The following ABTB2 variants were observed in gnomAD, a reference collection of about 807,000 sequenced individuals.
ABTB2 encodes ankyrin repeat and BTB domain containing 2, also known as ankyrin repeat and BTB/POZ domain-containing protein 2.
In ABTB2, 56 loss-of-function variants were observed where a neutral mutation model predicts 104.1. The observed-to-expected ratio is 0.54, with a 90% CI of 0.43 to 0.67. ABTB2 has a LOEUF of 0.67. Among genes scored for constraint, ABTB2 ranks in the 30% least tolerant of loss-of-function variants. The probability of loss-of-function intolerance (pLI) is 0.00; values close to 1 mark genes in which losing one functional copy is unlikely to be tolerated. For missense variants in ABTB2, 1,279 were observed against 1,407.7 expected (o/e 0.91, Z 1.46); for synonymous variants, 606 against 608.2 (o/e 1.00, Z 0.05).
At chr11:34,248,853 G>A (rs527508905) in intron 1 of ABTB2, among the ~76,000 whole-genome samples, 8 of 152,212 alleles carry the variant, frequency 5.3e-5, no homozygotes, top group Non-Finnish European at 1.2e-4. Context: ...TACCACAGCC[G>A]GGCGCGGTGG....
chr11:34,259,983 A>AT (rs1271273098), intron 1 of ABTB2, among the ~76,000 whole-genome samples: 2 of 151,760 alleles, frequency 1.3e-5, no homozygotes, highest in Non-Finnish European at 2.9e-5. Flanking sequence ...TTTTTATTGT[A>AT]TTTTTTCTAG....
chr11:34,174,602 G>A (rs992327891), intron 3 of ABTB2, among the ~76,000 whole-genome samples: 1 of 152,204 alleles, frequency 6.6e-6, no homozygotes, highest in Non-Finnish European at 1.5e-5. Flanking sequence ...CAGCTGGGGG[G>A]CGGGGACGCG....
At chr11:34,297,796 G>GAAAAACCAAAT (rs1554923796) in intron 1 of ABTB2, among the ~76,000 whole-genome samples, 4 of 123,070 alleles carry the variant, frequency 3.3e-5, no homozygotes, top group Non-Finnish European at 5.0e-5. Context: ...AAAAATAAAG[G>GAAAAACCAAAT]AAAGAAAAAG....
chr11:34,245,149 C>T (rs1377966756), intron 1 of ABTB2, among the ~76,000 whole-genome samples: 2 of 152,226 alleles, frequency 1.3e-5, no homozygotes, highest in Non-Finnish European at 2.9e-5. Context: ...CAGCCTCTGA[C>T]TGACACATGC....
chr11:34,272,302 C>CA (rs60997940), intron 1 of ABTB2, among the ~76,000 whole-genome samples: 16,961 of 80,334 alleles, frequency 0.21, 1,301 homozygotes, highest in East Asian at 0.27. Context: ...CAGGAAGCTG[C>CA]AAAAAAAAAA....
At chr11:34,170,469 A>G (rs1341800935) in intron 5 of ABTB2, among the ~76,000 whole-genome samples, 1 of 152,162 alleles carries the variant, frequency 6.6e-6, no homozygotes, top group Non-Finnish European at 1.5e-5. Flanking sequence ...AACATCCTCT[A>G]CATTTTACAT....
At chr11:34,335,293 A>G (rs1330533287) in intron 1 of ABTB2, 29 of 1,259,818 alleles carry the variant, frequency 2.3e-5, no homozygotes, top group South Asian at 9.5e-5. Flanking sequence ...TGTTGTTTGT[A>G]TATGGTCCAA....
intron 1 of ABTB2, among the ~76,000 whole-genome samples, chr11:34,266,521 A>C (rs1854252580): frequency 1.3e-5 from 2 of 152,262 alleles, no homozygotes; most frequent in Admixed American, 1.3e-4. Context: ...GGAAAACAGT[A>C]GTGTGTCTTG....
chr11:34,221,731 C>T (rs1853626095), intron 1 of ABTB2, among the ~76,000 whole-genome samples: 1 of 152,238 alleles, frequency 6.6e-6, no homozygotes, highest in African/African-American at 2.4e-5. Flanking sequence ...GTCCCACTCA[C>T]TCACTTAATT....
At chr11:34,224,134 C>A (rs1341159990) in intron 1 of ABTB2, among the ~76,000 whole-genome samples, 1 of 152,130 alleles carries the variant, frequency 6.6e-6, no homozygotes, top group Non-Finnish European at 1.5e-5. Context: ...GGCTCAGCAT[C>A]CTGAGTAGCT....
chr11:34,310,065 T>C (rs1393805262), intron 1 of ABTB2, among the ~76,000 whole-genome samples: 2 of 152,290 alleles, frequency 1.3e-5, no homozygotes, highest in Middle Eastern at 3.4e-3. Context: ...TTCTATTACA[T>C]TGAGCAATCG....
At position 34,324,938 on chromosome 11, in the gene ABTB2, T is replaced by C. The variant is rs186744715; in HGVS notation, c.883+31763A>G. ...CAGAGTCCACATCTGAAAAGTGCAC[T>C]GATTCGGTCACAGTTAGAGTGCTTT... On this transcript the variant is annotated intron_variant, in intron 1 of 16. Transcript: ENST00000435224. 8.3e-3 allele frequency among the ~76,000 whole-genome samples: 1,268 copies of C among 152,332 alleles called. 64 individuals carry two copies. Among genetic ancestry groups the C allele is most frequent in the Admixed American group, 0.076 (1,159 of 15,294 alleles).
chr11:34,157,023 C>G (rs1429296638), intron 14 of ABTB2, among the ~76,000 whole-genome samples: 1 of 152,104 alleles, frequency 6.6e-6, no homozygotes, highest in African/African-American at 2.4e-5. Flanking sequence ...CTCCAGAAAA[C>G]AAAATAATGA....
chr11:34,234,897 G>C (rs987467502), intron 1 of ABTB2, among the ~76,000 whole-genome samples: 1 of 151,936 alleles, frequency 6.6e-6, no homozygotes, highest in Non-Finnish European at 1.5e-5. Context: ...TCGCTCCTTC[G>C]CCCAGGCTGG....
At chr11:34,173,122 A>G (rs1362806810) in intron 4 of ABTB2, 33 bp downstream of exon 4, 9 of 1,612,682 alleles carry the variant, frequency 5.6e-6, no homozygotes, top group African/African-American at 1.3e-5. Context: ...CAGGTCATGG[A>G]TGCCGGGGCC....
At chr11:34,157,533 C>A (rs1852646699) in intron 14 of ABTB2, among the ~76,000 whole-genome samples, 2 of 152,212 alleles carry the variant, frequency 1.3e-5, no homozygotes, top group African/African-American at 4.8e-5. Flanking sequence ...CCCTGTAGCC[C>A]CTCTAGGACC....
At chr11:34,244,726 T>G (rs1288160965) in intron 1 of ABTB2, among the ~76,000 whole-genome samples, 1 of 152,154 alleles carries the variant, frequency 6.6e-6, no homozygotes, top group Non-Finnish European at 1.5e-5. Flanking sequence ...AAACTGCGAT[T>G]CTAGGGTCCC....
At chr11:34,271,396 G>A (rs940948400) in intron 1 of ABTB2, among the ~76,000 whole-genome samples, 23 of 152,180 alleles carry the variant, frequency 1.5e-4, no homozygotes, top group Non-Finnish European at 2.9e-5. Context: ...GGCTCCAGGG[G>A]AGGGAGCTCT....
intron 1 of ABTB2, among the ~76,000 whole-genome samples, chr11:34,245,961 G>C (rs981016075): frequency 6.6e-6 from 1 of 152,212 alleles, no homozygotes; most frequent in African/African-American, 2.4e-5. Flanking sequence ...GCAGGGGAGA[G>C]AGGCCCTCCT....
Sources: gnomAD v4.1 joint callset for allele counts (sites outside exome capture counted in the v4.1 genomes callset) on GRCh38, gnomAD v4.1.1 for gene constraint, MANE v1.5 for transcripts, NCBI Gene and HGNC (gene_info 2026-07-23, HGNC 2026-07-21) for gene names.